The following GALNT17 variants were observed in gnomAD, a reference collection of about 807,000 sequenced individuals.
The protein encoded by GALNT17 is UDP-GalNAc:polypeptide N-acetylgalactosaminyltransferase-like 3.
Under a neutral mutation model 63.7 loss-of-function variants are expected in GALNT17, and 29 were observed. The ratio of observed to expected loss-of-function variants is 0.46; its 90% CI spans 0.34 to 0.62. The LOEUF (loss-of-function observed/expected upper bound fraction) is 0.62, where lower values mean the gene tolerates loss of function less well. GALNT17 is among the 20% of genes least tolerant of loss of function. The probability of loss-of-function intolerance (pLI) is 0.01; values close to 1 mark genes in which losing one functional copy is unlikely to be tolerated. For missense variants in GALNT17, 603 were observed against 799.6 expected, an observed-to-expected ratio of 0.75 and a Z score of 2.97; for synonymous variants, 305 against 318.3, an observed-to-expected ratio of 0.96 and a Z score of 0.45.
chr7:71,419,390 C>T (rs1786617249), intron 4 of GALNT17, among the ~76,000 whole-genome samples: 1 of 152,198 alleles, frequency 6.6e-6, no homozygotes, highest in South Asian at 2.1e-4. Flanking sequence ...ATACGATTAT[C>T]TTGGGGGTTG....
intron 1 of GALNT17, among the ~76,000 whole-genome samples, chr7:71,158,583 A>T (rs1335569604): frequency 1.5e-5 from 2 of 135,548 alleles, no homozygotes; most frequent in African/African-American, 2.8e-5. Context: ...TTATTTATTT[A>T]TTTTTTTGTT....
intron 4 of GALNT17, among the ~76,000 whole-genome samples, chr7:71,416,788 C>G (rs1179928650): frequency 6.6e-6 from 1 of 152,134 alleles, no homozygotes; most frequent in Non-Finnish European, 1.5e-5. Flanking sequence ...ATAATTCTAA[C>G]TACTCAGGTA....
At chr7:71,253,773 A>G (rs1236207984) in intron 1 of GALNT17, among the ~76,000 whole-genome samples, 5 of 152,146 alleles carry the variant, frequency 3.3e-5, no homozygotes, top group African/African-American at 1.2e-4. Context: ...TGATTCTAAA[A>G]AATTTCTACA....
chr7:71,171,012 T>C (rs1017568401), intron 1 of GALNT17, among the ~76,000 whole-genome samples: 10 of 152,158 alleles, frequency 6.6e-5, no homozygotes, highest in African/African-American at 1.2e-4. Flanking sequence ...AATTTTTTTT[T>C]CCCTTAAGGT....
chr7:71,659,301 A>G (rs1326575773), intron 6 of GALNT17, among the ~76,000 whole-genome samples: 3 of 152,228 alleles, frequency 2.0e-5, no homozygotes, highest in Admixed American at 6.5e-5. Context: ...AGTGGCCTAA[A>G]TAACAATTGA....
At chr7:71,347,806 G>C (rs1018969905) in intron 2 of GALNT17, among the ~76,000 whole-genome samples, 2 of 152,088 alleles carry the variant, frequency 1.3e-5, no homozygotes, top group African/African-American at 4.8e-5. Flanking sequence ...GGGATGTTCT[G>C]AGGTCATGGG....
chr7:71,171,384 G>C (rs1353917852), intron 1 of GALNT17, among the ~76,000 whole-genome samples: 2 of 152,132 alleles, frequency 1.3e-5, no homozygotes, highest in East Asian at 3.9e-4. Context: ...GCCAGGAGTA[G>C]CTGTTACTGG....
rs190735996 is a variant in GALNT17 at position 71,591,667 on chromosome 7, G to A, written c.1080+20265G>A. On this transcript the variant is annotated intron_variant, in intron 6 of 10. Transcript: ENST00000333538. ...CTGTTGATTGTTTGTTTGTTTGTTC[G>A]TTTGTTTGTTTTTGAGACAGAGTCT... 7.0e-4 allele frequency among the ~76,000 whole-genome samples: 100 copies of A among 143,006 alleles called. No individual in the cohort carries two copies. In the East Asian group the frequency reaches 0.017, roughly 24 times the overall value. 93.8% of individuals were successfully genotyped at this position (143,006 alleles called of 152,430 possible). A position where few individuals can be genotyped will look rare whatever the true frequency, so the allele number is the denominator to read the frequency against.
chr7:71,282,048 A>G lies in GALNT17; in HGVS notation c.239-53502A>G, dbSNP rs144920286. On this transcript the variant is annotated intron_variant, in intron 1 of 10. Transcript: ENST00000333538. ...AAGCCTCTCCTTGCTGATCAATGAC[A>G]ACGCCACCCCCTTGGGCTCCTGTGC... Among the ~76,000 whole-genome samples the G allele has an allele frequency of 3.4e-3, 519 of 152,260 alleles. 5 individuals are homozygous for G. Among genetic ancestry groups the G allele is most frequent in the African/African-American group, 0.012 (489 of 41,558 alleles).
intron 8 of GALNT17, among the ~76,000 whole-genome samples, chr7:71,673,103 G>A (rs569080539): frequency 7.2e-5 from 11 of 152,108 alleles, no homozygotes; most frequent in East Asian, 3.9e-4. Context: ...TTCTGTGAGT[G>A]CAAATTGAAA....
At chr7:71,136,571 C>T (rs751435506) in intron 1 of GALNT17, among the ~76,000 whole-genome samples, 18 of 151,408 alleles carry the variant, frequency 1.2e-4, no homozygotes, top group Admixed American at 2.0e-4. Context: ...CTGCAGTCTC[C>T]GCTTCCTGGG....
chr7:71,220,130 C>A (rs1456796141), intron 1 of GALNT17, among the ~76,000 whole-genome samples: 1 of 152,210 alleles, frequency 6.6e-6, no homozygotes, highest in Non-Finnish European at 1.5e-5. Flanking sequence ...AAACTCCCTG[C>A]TGAGGTTCCC....
intron 2 of GALNT17, among the ~76,000 whole-genome samples, chr7:71,372,811 A>G (rs1241291481): frequency 3.3e-5 from 5 of 152,180 alleles, no homozygotes; most frequent in African/African-American, 7.2e-5. Context: ...GTAGCATACA[A>G]CGATGCTTTG....
rs1177223412 is a variant in GALNT17, at chr7:71,480,192, G to T, written c.962+59087G>T. Among the ~76,000 whole-genome samples, 4 of 111,366 alleles carry T rather than the reference G, an allele frequency of 3.6e-5. No homozygotes were observed. The South Asian group carries it at 1.3e-3, about 36-fold the overall frequency. The allele number at this position is 111,366 out of a possible 152,430, so 73.1% of individuals were successfully genotyped here. On this transcript the variant is annotated intron_variant, in intron 5 of 10. Transcript: ENST00000333538. ...TTTTTTTTTTTTTTTTTGAGACAGA[G>T]GCTCTCTCTGTCACTCAGGCTGGAG...
chr7:71,662,221 C>G (rs1168730960), intron 6 of GALNT17, among the ~76,000 whole-genome samples: 1 of 152,076 alleles, frequency 6.6e-6, no homozygotes, highest in Non-Finnish European at 1.5e-5. Context: ...GTCATCCCTG[C>G]TAAGTCCTTG....
intron 1 of GALNT17, among the ~76,000 whole-genome samples, chr7:71,191,694 A>C (rs990819853): frequency 2.6e-5 from 4 of 152,138 alleles, no homozygotes; most frequent in Non-Finnish European, 5.9e-5. Context: ...GGACACCCAG[A>C]CCATTTCAGT....
rs551334977 is a variant in GALNT17 at position 71,710,844 on chromosome 7, G to A, written c.1584G>A (p.Val528=). The change falls in exon 10 of 11, where the codon GTG becomes GTA. Residue 528 remains valine (V), a synonymous_variant. Coordinates refer to ENST00000333538, the MANE Select transcript of GALNT17 (RefSeq NM_022479.3). ...TCCTCCCTGACACCCGCTGCCTGGT[G>A]GACAACTCCAAGAGTCGGCTGCCCC... ...TTLLPDTRCL[V]DNSKSRLPQL... The A allele has an allele frequency of 6.2e-6, 10 of 1,613,856 alleles. No homozygotes were observed. In the East Asian group the frequency reaches 2.0e-4, roughly 32 times the overall value.
At chr7:71,529,883 G>A (rs558019125) in intron 5 of GALNT17, among the ~76,000 whole-genome samples, 2 of 152,272 alleles carry the variant, frequency 1.3e-5, no homozygotes, top group South Asian at 2.1e-4. Context: ...TTACAAAAGA[G>A]TTGTTTAAGT....
chr7:71,152,602 G>A (rs1788155021), intron 1 of GALNT17, among the ~76,000 whole-genome samples: 1 of 151,992 alleles, frequency 6.6e-6, no homozygotes, highest in Admixed American at 6.6e-5. Flanking sequence ...TTCCCCATGA[G>A]ATAGGCTCTA....
Sources: gnomAD v4.1 joint callset for allele counts (sites outside exome capture counted in the v4.1 genomes callset) on GRCh38, gnomAD v4.1.1 for gene constraint, MANE v1.5 for transcripts, NCBI Gene and HGNC (gene_info 2026-07-23, HGNC 2026-07-21) for gene names.